CCL17: variants seen among roughly 807,000 people sequenced by gnomAD.
CCL17 encodes the protein C-C motif chemokine ligand 17, also known as C-C motif chemokine 17.
Under a neutral mutation model 7.4 loss-of-function variants are expected in CCL17, and 8 were observed. That is an observed-to-expected ratio of 1.09 (90% CI 0.64 to 1.96). The LOEUF (loss-of-function observed/expected upper bound fraction) is 1.96. Ranked by LOEUF, CCL17 falls within the 30% of genes most tolerant of loss-of-function variation. The pLI is 0.00. For synonymous variants in CCL17, 40 were observed against 46.1 expected (o/e 0.87, Z 0.54); for missense variants, 102 against 113.0 (o/e 0.90, Z 0.44).
rs1902829577 is a variant in CCL17 at position 57,414,147 on chromosome 16, G to T, written c.70+145G>T. On this transcript the variant is annotated intron_variant, in intron 2 of 3. Coordinates refer to ENST00000219244, the MANE Select transcript of CCL17 (RefSeq NM_002987.3). ...AAGACGTGAGAAGCCCACAGCACTAGGATTTTGAGGGAAACAAGCAGAGAA... is the reference window on the plus strand; with the variant it reads ...AAGACGTGAGAAGCCCACAGCACTATGATTTTGAGGGAAACAAGCAGAGAA... 5.3e-6 allele frequency: 3 copies of T among 568,866 alleles called. No individual in the cohort carries two copies. In the East Asian group the frequency reaches 8.8e-5, roughly 17 times the overall value. 35.2% of individuals were successfully genotyped at this position (568,866 alleles called of 1,614,324 possible).
At chr16:57,414,603 G>A (rs1215380890) in intron 2 of CCL17, among the ~76,000 whole-genome samples, 5 of 151,792 alleles carry the variant, frequency 3.3e-5, no homozygotes, top group Admixed American at 6.6e-5. Flanking sequence ...CACCATGTTG[G>A]TCAGGCTGGT....
Position 57,415,750 on chromosome 16 carries a change from C to T in CCL17, c.189-15C>T, listed in dbSNP as rs749116831. 4.4e-6 allele frequency: 7 copies of T among 1,573,088 alleles called. No homozygotes were observed. The East Asian group carries it at 1.6e-4, about 35-fold the overall frequency. On this transcript the variant is annotated splice_polypyrimidine_tract_variant and intron_variant, in intron 3 of 3. Coordinates refer to ENST00000219244, the MANE Select transcript of CCL17 (RefSeq NM_002987.3). The surrounding 1 kb of genome is among the most constrained non-coding windows in gnomAD (Gnocchi z 4.5). ...CCCCCCCTGCCACTCCTGGTAACGT[C>T]CTCCTTCTGTGTAGTTTTGTAACTG...
At chr16:57,403,560 T>TA (rs1180495006), upstream of CCL17, among the ~76,000 whole-genome samples, 1,958 of 51,908 alleles carry the variant, frequency 0.038, 173 homozygotes, top group African/African-American at 0.084. Flanking sequence ...TTTATATATA[T>TA]ATAATATATA....
intron 1 of CCL17, among the ~76,000 whole-genome samples, chr16:57,406,813 C>T (rs1207419416): frequency 1.3e-5 from 2 of 152,160 alleles, no homozygotes; most frequent in Non-Finnish European, 2.9e-5. Flanking sequence ...TTCATAAAAT[C>T]GCTGTTAGTC....
rs1014522496 is a variant in CCL17, at chr16:57,414,987, G to C, written c.71-94G>C. On this transcript the variant is annotated intron_variant, in intron 2 of 3. Transcript: ENST00000219244. ...CACACACAGATGCACACATGGACAC[G>C]CACATGCAGATCTTCCACGAACACC... 10 of 782,576 alleles carry C rather than the reference G, an allele frequency of 1.3e-5. No homozygotes were observed. In the Admixed American group the frequency reaches 1.7e-4, roughly 13 times the overall value. 48.5% of individuals were successfully genotyped at this position (782,576 alleles called of 1,614,324 possible).
chr16:57,410,895 G>C (rs1902773881), intron 1 of CCL17, among the ~76,000 whole-genome samples: 1 of 152,180 alleles, frequency 6.6e-6, no homozygotes, highest in African/African-American at 2.4e-5. Flanking sequence ...CTTGGTGCTG[G>C]GGATGCCCAC....
intron 1 of CCL17, among the ~76,000 whole-genome samples, chr16:57,411,080 C>T (rs1202202347): frequency 6.6e-6 from 1 of 152,224 alleles, no homozygotes; most frequent in South Asian, 2.1e-4. Context: ...CTTCCAATCT[C>T]AGTATGAATC....
rs775859690 is a variant in CCL17, at chr16:57,415,127, G to C, written c.117G>C (p.Lys39Asn). The change falls in exon 3 of 4, where the codon AAG becomes AAC. Residue 39 changes from lysine (K) to asparagine (N), a missense_variant. By Grantham distance (94) the Lys-to-Asn change is moderately conservative. Transcript: ENST00000219244. The surrounding 1 kb of genome is among the most constrained non-coding windows in gnomAD (Gnocchi z 4.5). Reference sequence around the variant, plus strand: ...GGGAGTGCTGCCTGGAGTACTTCAAGGGAGCCATTCCCCTTAGAAAGCTGA... The same window carrying C: ...GGGAGTGCTGCCTGGAGTACTTCAACGGAGCCATTCCCCTTAGAAAGCTGA... ...VGRECCLEYFKGAIPLRKLKT... is the reference protein window; with the variant it reads ...VGRECCLEYFNGAIPLRKLKT... 1.2e-6 allele frequency: 2 copies of C among 1,614,064 alleles called. No homozygotes were observed.
chr16:57,399,489 C>T, the CCL17 span, among the ~76,000 whole-genome samples: 58 of 150,892 alleles, frequency 3.8e-4, no homozygotes, highest in Non-Finnish European at 7.2e-4. Flanking sequence ...CTTGCTCTGT[C>T]GCCCAGGCTG....
At chr16:57,413,841 A>T in intron 1 of CCL17, 33 bp from the exon 2 acceptor site, 1 of 1,127,014 alleles carries the variant, frequency 8.9e-7, no homozygotes. Flanking sequence ...CAAAGAGGTT[A>T]AATAGGTCAC....
At chr16:57,403,814 G>A (rs757093289), upstream of CCL17, among the ~76,000 whole-genome samples, 12 of 147,722 alleles carry the variant, frequency 8.1e-5, no homozygotes, top group Non-Finnish European at 1.5e-4. Flanking sequence ...CTGCCACCAC[G>A]CTCAGCTGAT....
At chr16:57,403,470 T>A (rs1335559666), upstream of CCL17, among the ~76,000 whole-genome samples, 1 of 1,762 alleles carries the variant, frequency 5.7e-4, no homozygotes, top group African/African-American at 7.9e-4. Context: ...TATATTATAT[T>A]ATATATATTA....
chr16:57,399,242 C>T, the CCL17 span, among the ~76,000 whole-genome samples: 125 of 152,222 alleles, frequency 8.2e-4, 1 homozygote, highest in Middle Eastern at 6.8e-3. Context: ...GACCTGTTTC[C>T]AGGTGCTTAT....
chr16:57,408,403 C>T (rs1210583604), intron 1 of CCL17, among the ~76,000 whole-genome samples: 2 of 148,818 alleles, frequency 1.3e-5, no homozygotes, highest in African/African-American at 5.2e-5. Flanking sequence ...CCTATTTATA[C>T]ATTCAGTAAA....
chr16:57,397,668 A>G, the CCL17 span, among the ~76,000 whole-genome samples: 1 of 152,186 alleles, frequency 6.6e-6, no homozygotes. Context: ...GAGCTCCCCC[A>G]GAGGTTAGGA....
chr16:57,404,309 G>C (rs1476496289), upstream of CCL17, among the ~76,000 whole-genome samples: 1 of 152,152 alleles, frequency 6.6e-6, no homozygotes, highest in Non-Finnish European at 1.5e-5. Context: ...ATGGAGACAG[G>C]GAGAGCACCC....
intron 1 of CCL17, among the ~76,000 whole-genome samples, chr16:57,405,150 A>G (rs576782865): frequency 5.3e-4 from 81 of 152,174 alleles, no homozygotes; most frequent in Non-Finnish European, 1.0e-3. Flanking sequence ...GCAGGGAGCC[A>G]TTGACGGTTT....
In CCL17 at chr16:57,415,320, C is replaced by G; in HGVS notation, c.188+122C>G. On this transcript the variant is annotated intron_variant, in intron 3 of 3. Coordinates refer to ENST00000219244, the MANE Select transcript of CCL17 (RefSeq NM_002987.3). This position sits in a 1 kb window ranked among gnomAD's most constrained non-coding sequence, Gnocchi z 4.5. ...GACAGCGGGGCCTTCCTCCCCAACC[C>G]CTGCAGGCTCCCCACACTGTGGGAC... The G allele has an allele frequency of 1.4e-6, 1 of 702,888 alleles. No individual in the cohort carries two copies. The highest frequency in any genetic ancestry group is 1.6e-5 in the South Asian group (1 of 63,504). The allele number at this position is 702,888 out of a possible 1,614,324, so 43.5% of individuals were successfully genotyped here. A position where few individuals can be genotyped will look rare whatever the true frequency, so the allele number is the denominator to read the frequency against.
At position 57,413,785 on chromosome 16, in the gene CCL17, C is replaced by T. The variant is rs975650977; in HGVS notation, c.-59-89C>T. ...CTCAAATTCTTCGAACTTCACTGGT[C>T]TAGGGAAGGATGTGAGGAGGTGACA... On this transcript the variant is annotated intron_variant, in intron 1 of 3. Coordinates refer to ENST00000219244, the MANE Select transcript of CCL17 (RefSeq NM_002987.3). 1.5e-5 allele frequency: 9 copies of T among 582,308 alleles called. 1 individual carries two copies. The South Asian group carries it at 2.1e-4, about 14-fold the overall frequency. The allele number at this position is 582,308 out of a possible 1,614,324, so 36.1% of individuals were successfully genotyped here.
Sources: gnomAD v4.1 joint callset for allele counts (sites outside exome capture counted in the v4.1 genomes callset) on GRCh38, gnomAD v4.1.1 for gene constraint, Gnocchi (gnomAD v3.1) non-coding constraint, MANE v1.5 for transcripts, NCBI Gene and HGNC (gene_info 2026-07-23, HGNC 2026-07-21) for gene names.